CACNG6: variants seen among roughly 807,000 people sequenced by gnomAD.
CACNG6 encodes the protein calcium voltage-gated channel auxiliary subunit gamma 6.
Under a neutral mutation model 23.9 loss-of-function variants are expected in CACNG6, and 21 were observed. That is an observed-to-expected ratio of 0.88 (90% CI 0.62 to 1.26). CACNG6 has a LOEUF of 1.26. Among genes scored for constraint, CACNG6 ranks in the 50% most tolerant of loss-of-function variants. The pLI is 0.00. For synonymous variants in CACNG6, 182 were observed against 168.9 expected (o/e 1.08, Z -0.60); for missense variants, 340 against 352.9 (o/e 0.96, Z 0.29).
intron 3 of CACNG6, among the ~76,000 whole-genome samples, chr19:54,002,275 G>GTTTTGTTTTTTTTTTTTTTTTTTTTTTTT (rs2069585153): frequency 8.6e-6 from 1 of 116,436 alleles, no homozygotes; most frequent in African/African-American, 4.6e-5. Context: ...CGGTTTTTTT[G>GTTTTGTTTTTTTTTTTTTTTTTTTTTTTT]TTTTTTTTGT....
At chr19:54,008,435 G>A (rs539502062) in intron 3 of CACNG6, among the ~76,000 whole-genome samples, 2 of 152,268 alleles carry the variant, frequency 1.3e-5, no homozygotes, top group South Asian at 2.1e-4. Flanking sequence ...GCAGGGTCAG[G>A]AACTGGGGTT....
chr19:54,008,238 A>G (rs1251253754), intron 3 of CACNG6, among the ~76,000 whole-genome samples: 1 of 152,144 alleles, frequency 6.6e-6, no homozygotes, highest in African/African-American at 2.4e-5. Flanking sequence ...CTGTAGTCCC[A>G]GCTACTCAAG....
intron 1 of CACNG6, among the ~76,000 whole-genome samples, chr19:53,994,856 A>C (rs1398667159): frequency 6.6e-6 from 1 of 152,166 alleles, no homozygotes; most frequent in Admixed American, 6.5e-5. Flanking sequence ...ATTTCTGCAG[A>C]TGGGCTGTCT....
At chr19:54,007,074 G>A (rs1046174335) in intron 3 of CACNG6, among the ~76,000 whole-genome samples, 2 of 151,734 alleles carry the variant, frequency 1.3e-5, no homozygotes, top group African/African-American at 4.8e-5. Flanking sequence ...TTTGAGACAG[G>A]GTCTCACTCT....
In CACNG6 at chr19:53,992,821, C is replaced by T; in HGVS notation, c.-57C>T. The T allele has an allele frequency of 7.9e-7, 1 of 1,268,114 alleles. No individual in the cohort carries two copies. 78.6% of individuals were successfully genotyped at this position (1,268,114 alleles called of 1,614,324 possible). A position where few individuals can be genotyped will look rare whatever the true frequency, so the allele number is the denominator to read the frequency against. ...CCCAGGCCGCTCCTCGCTCCCGCCC[C>T]TCGAGGCCCTTCGCCGGCTCTGCCT... On this transcript the variant is annotated 5_prime_UTR_variant, in exon 1 of 4. Coordinates refer to ENST00000252729, the MANE Select transcript of CACNG6 (RefSeq NM_145814.2). The surrounding 1 kb of genome is among the most constrained non-coding windows in gnomAD (Gnocchi z 4.1).
intron 3 of CACNG6, among the ~76,000 whole-genome samples, chr19:54,011,190 T>TAAAAAAAAAAAAAAAAAAAAAAAA (rs142489178): frequency 3.4e-5 from 2 of 59,218 alleles, no homozygotes; most frequent in Non-Finnish European, 5.5e-5. Context: ...CCGTCTCTAC[T>TAAAAAAAAAAAAAAAAAAAAAAAA]AAAAAAAAAA....
intron 1 of CACNG6, 144 bp downstream of exon 1, chr19:53,993,352 C>A (rs2069486408): frequency 2.5e-6 from 2 of 790,164 alleles, no homozygotes; most frequent in Middle Eastern, 3.8e-4. Flanking sequence ...CGCCAGTGCC[C>A]ACTTCGTCCT....
intron 1 of CACNG6, among the ~76,000 whole-genome samples, chr19:53,996,631 G>A (rs1049695807): frequency 6.6e-6 from 1 of 152,078 alleles, no homozygotes; most frequent in Admixed American, 6.6e-5. Context: ...GACCCCAAGT[G>A]ATCTGCCTGC....
intron 3 of CACNG6, among the ~76,000 whole-genome samples, chr19:54,002,284 G>GTTTTGTTT (rs2069586727): frequency 1.7e-5 from 2 of 117,416 alleles, no homozygotes; most frequent in East Asian, 5.2e-4. Context: ...TGTTTTTTTT[G>GTTTTGTTT]TTTTTTTTTT....
chr19:54,002,265 C>CG (rs1175203823), intron 3 of CACNG6, among the ~76,000 whole-genome samples: 3 of 128,090 alleles, frequency 2.3e-5, no homozygotes, highest in African/African-American at 7.0e-5. Flanking sequence ...GGCTAATTTT[C>CG]GGTTTTTTTG....
intron 3 of CACNG6, among the ~76,000 whole-genome samples, chr19:54,004,965 A>G (rs1259079643): frequency 1.3e-4 from 19 of 144,504 alleles, no homozygotes; most frequent in Admixed American, 8.0e-4. Flanking sequence ...TAATCCCAAC[A>G]CTTTGGGAGG....
chr19:54,002,789 A>G (rs1287155520), intron 3 of CACNG6, among the ~76,000 whole-genome samples: 1 of 152,144 alleles, frequency 6.6e-6, no homozygotes, highest in Non-Finnish European at 1.5e-5. Flanking sequence ...TTGATGTTGT[A>G]ATTACTGTGG....
At chr19:54,006,277 A>C (rs1344079061) in intron 3 of CACNG6, among the ~76,000 whole-genome samples, 1 of 149,758 alleles carries the variant, frequency 6.7e-6, no homozygotes, top group Non-Finnish European at 1.5e-5. Flanking sequence ...GTGGCTCTCT[A>C]TTTATTTATG....
chr19:54,011,951 G>A lies in CACNG6; in HGVS notation c.545G>A (p.Gly182Asp). The stretch of plus-strand genomic sequence containing the variant: ...CTGCGAGCTGTCCTCTCTCCCGCAG[G>A]CCTGCTGCTCTTGGTGAGCCTGGAG... ...RVGAVCFGLSGLLLLVSLEVF... is the reference protein window; with the variant it reads ...RVGAVCFGLSDLLLLVSLEVF... Residue 182 changes from glycine (G) to aspartate (D), a missense_variant and splice_region_variant, in exon 4 of 4, where the codon GGC becomes GAC. Coordinates refer to ENST00000252729, the MANE Select transcript of CACNG6 (RefSeq NM_145814.2). The A allele has an allele frequency of 6.6e-7, 1 of 1,509,244 alleles. No homozygotes were observed. 93.5% of individuals were successfully genotyped at this position (1,509,244 alleles called of 1,614,324 possible).
intron 2 of CACNG6, 149 bp downstream of exon 2, chr19:53,998,462 C>T (rs73058727): frequency 1.2e-4 from 65 of 559,396 alleles, no homozygotes; most frequent in South Asian, 1.1e-3. Flanking sequence ...GGAGTGCTGG[C>T]GGGAGAGTTA....
intron 3 of CACNG6, among the ~76,000 whole-genome samples, chr19:54,005,362 C>A (rs1275488784): frequency 6.6e-6 from 1 of 151,306 alleles, no homozygotes; most frequent in Non-Finnish European, 1.5e-5. Flanking sequence ...GAGTTCGAGA[C>A]CAGCCTGGGC....
intron 3 of CACNG6, among the ~76,000 whole-genome samples, chr19:54,011,430 C>CAAAAAAAAAAAAAAAAAAAAAAA: frequency 9.9e-6 from 1 of 100,558 alleles, no homozygotes; most frequent in Non-Finnish European, 2.0e-5. Flanking sequence ...GACTCCGTCT[C>CAAAAAAAAAAAAAAAAAAAAAAA]AAAAAAAAAA....
At chr19:53,994,412 T>A (rs1178839520) in intron 1 of CACNG6, among the ~76,000 whole-genome samples, 2 of 152,136 alleles carry the variant, frequency 1.3e-5, no homozygotes, top group Non-Finnish European at 2.9e-5. Context: ...GTTTTATCCC[T>A]GGGCATGGCA....
At chr19:54,002,825 C>T (rs772495367) in intron 3 of CACNG6, among the ~76,000 whole-genome samples, 17 of 152,084 alleles carry the variant, frequency 1.1e-4, no homozygotes, top group Non-Finnish European at 2.2e-4. Flanking sequence ...GGGACTGGGG[C>T]AGGTTGGGAT....
Sources: allele counts gnomAD v4.1 joint callset (sites outside exome capture counted in the v4.1 genomes callset), GRCh38; gene constraint gnomAD v4.1.1; non-coding constraint Gnocchi (gnomAD v3.1); transcripts MANE v1.5; gene names NCBI Gene and HGNC (gene_info 2026-07-23, HGNC 2026-07-21).